KCNH8: variants seen among roughly 807,000 people sequenced by gnomAD.
KCNH8 encodes potassium voltage-gated channel subfamily H member 8.
KCNH8 carries 70 observed loss-of-function variants against 103.6 expected under a neutral mutation model. The ratio of observed to expected loss-of-function variants is 0.68; its 90% CI spans 0.56 to 0.82. The LOEUF is 0.82. KCNH8 is among the 40% of genes least tolerant of loss of function. KCNH8 has a pLI of 0.00. For synonymous variants in KCNH8, 498 were observed against 489.4 expected (o/e 1.02, Z -0.23); for missense variants, 1,217 against 1,329.9 (o/e 0.92, Z 1.32).
At chr3:19,431,868 A>C (rs150913584) in intron 7 of KCNH8, among the ~76,000 whole-genome samples, 58 of 152,028 alleles carry the variant, frequency 3.8e-4, no homozygotes, top group African/African-American at 1.4e-3. Context: ...ATTTCTGATT[A>C]TGTTTATTTG....
intron 1 of KCNH8, among the ~76,000 whole-genome samples, chr3:19,226,817 C>A (rs2063937448): frequency 6.6e-6 from 1 of 152,104 alleles, no homozygotes; most frequent in Non-Finnish European, 1.5e-5. Flanking sequence ...AAGAGCAGGA[C>A]ATATCTTAAA....
At chr3:19,334,731 C>G (rs1427945848) in intron 3 of KCNH8, among the ~76,000 whole-genome samples, 4 of 146,468 alleles carry the variant, frequency 2.7e-5, no homozygotes, top group Non-Finnish European at 4.5e-5. Context: ...AAGCCTAGAA[C>G]AAAGCCAAAA....
chr3:19,343,019 AATG>A (rs2065682392), intron 4 of KCNH8, among the ~76,000 whole-genome samples: 1 of 152,124 alleles, frequency 6.6e-6, no homozygotes, highest in African/African-American at 2.4e-5. Flanking sequence ...ATGAAACAAA[AATG>A]ATGCAGCAAG....
intron 1 of KCNH8, among the ~76,000 whole-genome samples, chr3:19,167,980 T>C (rs1045273029): frequency 2.0e-5 from 3 of 151,730 alleles, no homozygotes; most frequent in Admixed American, 6.6e-5. Flanking sequence ...ATCACAAGAA[T>C]CCCTCATGCC....
intron 1 of KCNH8, among the ~76,000 whole-genome samples, chr3:19,211,831 T>G (rs2063774610): frequency 6.6e-6 from 1 of 152,172 alleles, no homozygotes; most frequent in South Asian, 2.1e-4. Context: ...TTTCATCAAA[T>G]AAATGTATTT....
intron 11 of KCNH8, among the ~76,000 whole-genome samples, chr3:19,492,741 G>T (rs2068350136): frequency 6.6e-6 from 1 of 151,980 alleles, no homozygotes; most frequent in Non-Finnish European, 1.5e-5. Flanking sequence ...AGTTCAATAG[G>T]AGTAGCACTG....
Position 19,148,606 on chromosome 3 carries a change from C to A in KCNH8, c.-114C>A. On this transcript the variant is annotated 5_prime_UTR_variant, in exon 1 of 16. Coordinates refer to ENST00000328405, the MANE Select transcript of KCNH8 (RefSeq NM_144633.3). ...TCCCCTGCTCGGCCCCGCCGTCAGG[C>A]CGGGTCCCCCTTCCCTGCCGTCATC... The A allele has an allele frequency of 2.0e-6, 2 of 999,840 alleles. No homozygotes were observed. Among genetic ancestry groups the A allele is most frequent in the Non-Finnish European group, 3.2e-6 (2 of 624,138 alleles). The allele number at this position is 999,840 out of a possible 1,614,324, so 61.9% of individuals were successfully genotyped here.
intron 3 of KCNH8, among the ~76,000 whole-genome samples, chr3:19,310,435 A>T (rs1360046307): frequency 6.6e-6 from 1 of 151,906 alleles, no homozygotes; most frequent in Non-Finnish European, 1.5e-5. Flanking sequence ...CTATCCAGGG[A>T]CAGATATAAC....
intron 5 of KCNH8, among the ~76,000 whole-genome samples, chr3:19,378,952 A>C (rs1477236041): frequency 6.6e-6 from 1 of 152,244 alleles, no homozygotes; most frequent in African/African-American, 2.4e-5. Flanking sequence ...ACACCAAGAC[A>C]GTTGTTCCCA....
At chr3:19,157,037 T>C (rs2063188195) in intron 1 of KCNH8, among the ~76,000 whole-genome samples, 1 of 151,986 alleles carries the variant, frequency 6.6e-6, no homozygotes, top group African/African-American at 2.4e-5. Context: ...ATCTTTATTG[T>C]ATTTGTCAGT....
intron 1 of KCNH8, among the ~76,000 whole-genome samples, chr3:19,220,526 T>C (rs2125231129): frequency 6.6e-6 from 1 of 152,114 alleles, no homozygotes; most frequent in Middle Eastern, 3.4e-3. Context: ...CAACAATGCA[T>C]CTAAAATGAA....
chr3:19,461,493 A>G (rs1005741215), intron 11 of KCNH8, among the ~76,000 whole-genome samples: 1 of 152,176 alleles, frequency 6.6e-6, no homozygotes, highest in African/African-American at 2.4e-5. Context: ...TTTCACAGAC[A>G]AAACCAAAAA....
At chr3:19,152,070 A>G (rs1559398561) in intron 1 of KCNH8, among the ~76,000 whole-genome samples, 1 of 152,024 alleles carries the variant, frequency 6.6e-6, no homozygotes, top group East Asian at 1.9e-4. Flanking sequence ...GTACCACTCT[A>G]AGACATACAC....
At chr3:19,254,356 G>T (rs1019807484) in intron 2 of KCNH8, among the ~76,000 whole-genome samples, 2 of 152,038 alleles carry the variant, frequency 1.3e-5, no homozygotes, top group African/African-American at 4.8e-5. Flanking sequence ...ATTGGCATAT[G>T]CATTTTCTTT....
chr3:19,428,876 T>C (rs2067068803), intron 7 of KCNH8, among the ~76,000 whole-genome samples: 1 of 152,216 alleles, frequency 6.6e-6, no homozygotes, highest in Non-Finnish European at 1.5e-5. Context: ...TCTCTACTCA[T>C]GTTTCTCTTC....
intron 5 of KCNH8, among the ~76,000 whole-genome samples, chr3:19,365,325 T>G (rs1294295057): frequency 6.6e-6 from 1 of 152,116 alleles, no homozygotes; most frequent in Non-Finnish European, 1.5e-5. Context: ...TTTCTGTGTG[T>G]TGTTTTCTCT....
chr3:19,461,010 T>C (rs184971533), intron 11 of KCNH8, among the ~76,000 whole-genome samples: 28 of 152,334 alleles, frequency 1.8e-4, no homozygotes, highest in Middle Eastern at 3.4e-3. Context: ...TTAATTCCTT[T>C]ATAAATTACC....
chr3:19,369,343 G>A (rs1285786678), intron 5 of KCNH8, among the ~76,000 whole-genome samples: 1 of 151,694 alleles, frequency 6.6e-6, no homozygotes, highest in Non-Finnish European at 1.5e-5. Flanking sequence ...CTACTACTGT[G>A]TTCTCTTGAT....
intron 8 of KCNH8, among the ~76,000 whole-genome samples, chr3:19,444,439 G>A (rs2067332460): frequency 6.6e-6 from 1 of 151,872 alleles, no homozygotes; most frequent in South Asian, 2.1e-4. Flanking sequence ...TATGACGTCT[G>A]ATTTGGCAAA....
Sources: gnomAD v4.1 joint callset for allele counts (sites outside exome capture counted in the v4.1 genomes callset) on GRCh38, gnomAD v4.1.1 for gene constraint, MANE v1.5 for transcripts, NCBI Gene and HGNC (gene_info 2026-07-23, HGNC 2026-07-21) for gene names.